The following HPCA variants were observed in gnomAD, a reference collection of about 807,000 sequenced individuals.
HPCA encodes neuron-specific calcium-binding protein hippocalcin.
In HPCA, 4 loss-of-function variants were observed where a neutral mutation model predicts 18.2. The ratio of observed to expected loss-of-function variants is 0.22; its 90% CI spans 0.11 to 0.50. The LOEUF (loss-of-function observed/expected upper bound fraction) is 0.50. Among genes scored for constraint, HPCA ranks in the 20% least tolerant of loss-of-function variants. HPCA has a pLI of 0.97. For missense variants in HPCA, 161 were observed against 265.8 expected (o/e 0.61, Z 2.74); for synonymous variants, 93 against 103.5 (o/e 0.90, Z 0.61).
chr1:32,892,250 G>A (rs973756174), intron 2 of HPCA, among the ~76,000 whole-genome samples: 2 of 152,200 alleles, frequency 1.3e-5, no homozygotes, highest in Admixed American at 6.5e-5. Flanking sequence ...TGGTACAGAG[G>A]GCAGTGGGAA....
At position 32,893,673 on chromosome 1, in the gene HPCA, T is replaced by TTCCC; in HGVS notation, c.484+44_484+45insTCCC. ...ACGGGGTGGACGGGGCGGGCGCCTTTCCCTCCCTCCCTCCCTGCCTCCCTT... is the reference window on the plus strand; with the variant it reads ...ACGGGGTGGACGGGGCGGGCGCCTTTTCCCCCCTCCCTCCCTCCCTGCCTCCCTT... On this transcript the variant is annotated intron_variant, in intron 3 of 3. Transcript: ENST00000373467. This position sits in a 1 kb window ranked among gnomAD's most constrained non-coding sequence, Gnocchi z 7.5. 1.5e-6 allele frequency: 2 copies of TTCCC among 1,314,130 alleles called. No homozygotes were observed. Among genetic ancestry groups the TTCCC allele is most frequent in the East Asian group, 2.5e-5 (1 of 39,224 alleles). 81.4% of individuals were successfully genotyped at this position (1,314,130 alleles called of 1,614,324 possible). A position where few individuals can be genotyped will look rare whatever the true frequency, so the allele number is the denominator to read the frequency against.
In HPCA at chr1:32,889,107, G is replaced by A. The variant is rs768133745; in HGVS notation, c.209G>A (p.Arg70His). 9 of 1,614,224 alleles carry A rather than the reference G, an allele frequency of 5.6e-6. No individual in the cohort carries two copies. The highest frequency in any genetic ancestry group is 1.7e-5 in the Admixed American group (1 of 60,020). ...TCCAAGTTTGCCGAGCACGTCTTCCGCACCTTTGACACCAACAGCGATGGC... is the reference window on the plus strand; with the variant it reads ...TCCAAGTTTGCCGAGCACGTCTTCCACACCTTTGACACCAACAGCGATGGC... ...DASKFAEHVF[R>H]TFDTNSDGTI... The change falls in exon 2 of 4, where the codon CGC becomes CAC. Residue 70 changes from arginine (R) to histidine (H), a missense_variant. Arg to His is a conservative substitution (Grantham distance 29). Coordinates refer to ENST00000373467, the MANE Select transcript of HPCA (RefSeq NM_002143.3). The surrounding 1 kb of genome is among the most constrained non-coding windows in gnomAD (Gnocchi z 4.6).
At chr1:32,891,292 G>A (rs1397352409) in intron 2 of HPCA, among the ~76,000 whole-genome samples, 3 of 152,238 alleles carry the variant, frequency 2.0e-5, no homozygotes, top group African/African-American at 7.2e-5. Flanking sequence ...TGAGTAAGCA[G>A]CAATTCCAGA....
Position 32,887,627 on chromosome 1 carries a change from A to C in HPCA, c.-22+1112A>C, listed in dbSNP as rs529143478. On this transcript the variant is annotated intron_variant, in intron 1 of 3. Transcript: ENST00000373467. ...TCTCCTTGGAAAAGGGGCCCCGAGC[A>C]GGTCTGGGAAGGTTTGCAGCTCCCT... Among the ~76,000 whole-genome samples the C allele has an allele frequency of 1.5e-3, 230 of 152,284 alleles. 2 individuals are homozygous for C. The highest frequency in any genetic ancestry group is 5.3e-3 in the African/African-American group (221 of 41,546).
chr1:32,886,330 G>C (rs952883460), upstream of HPCA: 4 of 151,928 alleles, frequency 2.6e-5, no homozygotes, highest in Admixed American at 6.5e-5. The surrounding 1 kb of genome is among the most constrained non-coding windows in gnomAD (Gnocchi z 7.0). Context: ...GGCGGGGGTG[G>C]GGGGCGGAGC....
chr1:32,890,402 G>A (rs74734130), intron 2 of HPCA, among the ~76,000 whole-genome samples: 2,474 of 152,336 alleles, frequency 0.016, 63 homozygotes, highest in African/African-American at 0.056. Context: ...CAGCCTTGAA[G>A]ATGGCCAGGG....
At chr1:32,891,189 T>C (rs1340848745) in intron 2 of HPCA, among the ~76,000 whole-genome samples, 2 of 152,212 alleles carry the variant, frequency 1.3e-5, no homozygotes, top group African/African-American at 2.4e-5. Flanking sequence ...CTGGCTTCTT[T>C]TAGGGCGGCC....
chr1:32,891,477 T>C (rs1209721270), intron 2 of HPCA, among the ~76,000 whole-genome samples: 1 of 152,026 alleles, frequency 6.6e-6, no homozygotes, highest in Non-Finnish European at 1.5e-5. Context: ...ACTGACAAGC[T>C]CAGTGACAGG....
Position 32,889,238 on chromosome 1 carries a change from G to C in HPCA, c.340G>C (p.Gly114Arg). The C allele has an allele frequency of 6.2e-7, 1 of 1,614,072 alleles. No individual in the cohort carries two copies. The highest frequency in any genetic ancestry group is 8.5e-7 in the Non-Finnish European group (1 of 1,179,912). ...AFSMYDLDGN[G>R]YISREEMLEI... ...CAGCATGTATGACCTGGACGGCAAC[G>C]GCTACATCAGCCGGGAGGAGATGCT... is the stretch of plus-strand genomic sequence containing the variant. The change falls in exon 2 of 4, where the codon GGC becomes CGC. Residue 114 changes from glycine (G) to arginine (R), a missense_variant. Coordinates refer to ENST00000373467, the MANE Select transcript of HPCA (RefSeq NM_002143.3). This position sits in a 1 kb window ranked among gnomAD's most constrained non-coding sequence, Gnocchi z 4.6.
chr1:32,893,878 C>T lies in HPCA; in HGVS notation c.*16C>T. ...CCAGTTCTGAGAGGAGCCAGGTTCC[C>T]CTTCCTCCCTCCCTTCACCGGCCCC... On this transcript the variant is annotated 3_prime_UTR_variant, in exon 4 of 4. Transcript: ENST00000373467. The surrounding 1 kb of genome is among the most constrained non-coding windows in gnomAD (Gnocchi z 7.5). 1 of 1,523,944 alleles carries T rather than the reference C, an allele frequency of 6.6e-7. No individual in the cohort carries two copies. The highest frequency in any genetic ancestry group is 8.9e-7 in the Non-Finnish European group (1 of 1,120,922). 94.4% of individuals were successfully genotyped at this position (1,523,944 alleles called of 1,614,324 possible). A position where few individuals can be genotyped will look rare whatever the true frequency, so the allele number is the denominator to read the frequency against.
intron 2 of HPCA, among the ~76,000 whole-genome samples, chr1:32,890,094 A>G (rs1641429835): frequency 6.6e-6 from 1 of 152,190 alleles, no homozygotes. Flanking sequence ...GCGTGCTTAC[A>G]ACAACCCCAT....
At position 32,888,961 on chromosome 1, in the gene HPCA, G is replaced by A. The variant is rs11554958; in HGVS notation, c.63G>A (p.Glu21=). ...EMLQDLRENT[E]FSELELQEWY... ...TGCAGGACCTGCGAGAGAACACAGA[G>A]TTCTCAGAGCTGGAGCTGCAGGAGT... Residue 21 remains glutamate, a synonymous_variant, in exon 2 of 4, where the codon GAG becomes GAA. Transcript: ENST00000373467. 1.9e-6 allele frequency: 3 copies of A among 1,613,952 alleles called. No homozygotes were observed. The highest frequency in any genetic ancestry group is 2.2e-5 in the East Asian group (1 of 44,892).
rs555017288 is a variant in HPCA, at chr1:32,889,661, C to T, written c.378+385C>T. On this transcript the variant is annotated intron_variant, in intron 2 of 3. Coordinates refer to ENST00000373467, the MANE Select transcript of HPCA (RefSeq NM_002143.3). The surrounding 1 kb of genome is among the most constrained non-coding windows in gnomAD (Gnocchi z 4.6). Reference sequence around the variant, plus strand: ...TAACCCATAATATGATTACCAAAGCCAGGATATTTAACATAGAAACAATGC... The same window carrying T: ...TAACCCATAATATGATTACCAAAGCTAGGATATTTAACATAGAAACAATGC... 6.6e-6 allele frequency among the ~76,000 whole-genome samples: 1 copy of T among 152,268 alleles called. No individual in the cohort carries two copies. The highest frequency in any genetic ancestry group is 1.9e-4 in the East Asian group (1 of 5,188).
rs138767632 is a variant in HPCA, at chr1:32,889,271, G to A, written c.373G>A (p.Val125Met). The A allele has an allele frequency of 5.6e-6, 9 of 1,610,262 alleles. No individual in the cohort carries two copies. The highest frequency in any genetic ancestry group is 2.7e-5 in the African/African-American group (2 of 74,904). The change falls in exon 2 of 4, where the codon GTG becomes ATG. Residue 125 changes from valine to methionine, a missense_variant. Coordinates refer to ENST00000373467, the MANE Select transcript of HPCA (RefSeq NM_002143.3). The surrounding 1 kb of genome is among the most constrained non-coding windows in gnomAD (Gnocchi z 4.6). ...YISREEMLEI[V>M]QAIYKMVSSV... ...CAGCCGGGAGGAGATGCTGGAGATC[G>A]TGCAGGTGGGCCCCTGGGCCCCTCA... is the stretch of plus-strand genomic sequence containing the variant.
intron 1 of HPCA, among the ~76,000 whole-genome samples, chr1:32,887,132 G>A (rs1641383286): frequency 6.6e-6 from 1 of 152,114 alleles, no homozygotes; most frequent in Admixed American, 6.5e-5. Context: ...TAAGAGGCTG[G>A]TCTAGAAAGG....
intron 1 of HPCA, among the ~76,000 whole-genome samples, chr1:32,888,074 A>G (rs1176687995): frequency 1.3e-5 from 2 of 152,162 alleles, no homozygotes; most frequent in Non-Finnish European, 2.9e-5. Flanking sequence ...TTTATTTAAC[A>G]TTTATGTAGC....
At position 32,893,505 on chromosome 1, in the gene HPCA, C is replaced by T. The variant is rs767512930; in HGVS notation, c.379-19C>T. On this transcript the variant is annotated intron_variant, in intron 2 of 3. Transcript: ENST00000373467. This position sits in a 1 kb window ranked among gnomAD's most constrained non-coding sequence, Gnocchi z 7.5. ...TCGGGCAGGCTCCTCTCACTCCCCG[C>T]CTCCCCTCCCGCCCCCAGGCCATTT... The T allele has an allele frequency of 1.9e-6, 3 of 1,567,456 alleles. No homozygotes were observed. In the South Asian group the frequency reaches 3.3e-5, roughly 17 times the overall value.
Position 32,893,190 on chromosome 1 carries a change from C to G in HPCA, c.379-334C>G, listed in dbSNP as rs1476685208. Among the ~76,000 whole-genome samples the G allele has an allele frequency of 6.6e-6, 1 of 151,992 alleles. No individual in the cohort carries two copies. Among genetic ancestry groups the G allele is most frequent in the Non-Finnish European group, 1.5e-5 (1 of 67,984 alleles). On this transcript the variant is annotated intron_variant, in intron 2 of 3. Coordinates refer to ENST00000373467, the MANE Select transcript of HPCA (RefSeq NM_002143.3). The surrounding 1 kb of genome is among the most constrained non-coding windows in gnomAD (Gnocchi z 7.5). ...CCGGGGCACGCGCTCCTGAGCCCGC[C>G]GCTCCAGGCCCTCCACTGTCGGGCC...
In HPCA at chr1:32,889,828, C is replaced by CTCATCCT. The variant is rs1641426525; in HGVS notation, c.378+554_378+560dup. Among the ~76,000 whole-genome samples the CTCATCCT allele has an allele frequency of 6.6e-6, 1 of 152,208 alleles. No homozygotes were observed. The highest frequency in any genetic ancestry group is 2.4e-5 in the African/African-American group (1 of 41,454). The stretch of plus-strand genomic sequence containing the variant: ...AGCCCCCTTTAATCTGGAATAGCTC[C>CTCATCCT]TCATCCTTTCTTTATCTTTTATGAA... On this transcript the variant is annotated intron_variant, in intron 2 of 3. Coordinates refer to ENST00000373467, the MANE Select transcript of HPCA (RefSeq NM_002143.3). This position sits in a 1 kb window ranked among gnomAD's most constrained non-coding sequence, Gnocchi z 4.6.
Sources: gnomAD v4.1 joint callset for allele counts (sites outside exome capture counted in the v4.1 genomes callset) on GRCh38, gnomAD v4.1.1 for gene constraint, Gnocchi (gnomAD v3.1) non-coding constraint, MANE v1.5 for transcripts, NCBI Gene and HGNC (gene_info 2026-07-23, HGNC 2026-07-21) for gene names.